WARS2: variants seen among roughly 807,000 people sequenced by gnomAD.
The protein encoded by WARS2 is tryptophanyl tRNA synthetase 2, mitochondrial, also known as tryptophan--tRNA ligase, mitochondrial.
In WARS2, 28 loss-of-function variants were observed where a neutral mutation model predicts 36.5. The ratio of observed to expected loss-of-function variants is 0.77; its 90% CI spans 0.57 to 1.05. The LOEUF (loss-of-function observed/expected upper bound fraction) is 1.05. Among genes scored for constraint, WARS2 ranks in the 50% least tolerant of loss-of-function variants. WARS2 has a pLI of 0.00. For missense variants in WARS2, 435 were observed against 456.8 expected, an observed-to-expected ratio of 0.95 and a Z score of 0.44; for synonymous variants, 174 against 178.4, an observed-to-expected ratio of 0.98 and a Z score of 0.20.
intron 1 of WARS2, among the ~76,000 whole-genome samples, chr1:119,108,305 A>T (rs2885227): frequency 6.6e-6 from 1 of 151,426 alleles, no homozygotes; most frequent in East Asian, 2.0e-4. Context: ...CAGCGAACCC[A>T]TCAAGGCCTG....
intron 1 of WARS2, among the ~76,000 whole-genome samples, chr1:119,095,269 A>G (rs1653346742): frequency 6.6e-6 from 1 of 152,214 alleles, no homozygotes; most frequent in African/African-American, 2.4e-5. Context: ...CACCATCTAG[A>G]GAGAAAGCTA....
At chr1:119,135,175 T>G (rs1322875467) in intron 1 of WARS2, among the ~76,000 whole-genome samples, 1 of 152,232 alleles carries the variant, frequency 6.6e-6, no homozygotes, top group East Asian at 1.9e-4. Context: ...TTAAAAATAA[T>G]CCATCCATCA....
At chr1:119,098,693 C>G (rs1653637185) in intron 1 of WARS2, among the ~76,000 whole-genome samples, 1 of 151,960 alleles carries the variant, frequency 6.6e-6, no homozygotes, top group African/African-American at 2.4e-5. Context: ...CCTGCCTTGG[C>G]CTTCCAAAGT....
intron 2 of WARS2, among the ~76,000 whole-genome samples, chr1:119,049,204 C>G (rs1368942632): frequency 6.6e-6 from 1 of 152,238 alleles, no homozygotes; most frequent in East Asian, 1.9e-4. Flanking sequence ...CACCAGCGGG[C>G]CACTGACGGG....
intron 5 of WARS2, 21 bp downstream of exon 5, chr1:119,034,074 A>G (rs1180943749): frequency 4.4e-6 from 7 of 1,596,404 alleles, no homozygotes; most frequent in Non-Finnish European, 5.2e-6. Context: ...CTGATGTAAC[A>G]ATTATAAGTT....
intron 1 of WARS2, among the ~76,000 whole-genome samples, chr1:119,119,244 G>A (rs764340525): frequency 5.9e-5 from 9 of 151,918 alleles, no homozygotes; most frequent in Non-Finnish European, 8.8e-5. Flanking sequence ...CCATGCAAAT[G>A]GACACCAAAA....
intron 1 of WARS2, among the ~76,000 whole-genome samples, chr1:119,114,048 C>T (rs1011528415): frequency 3.3e-5 from 5 of 152,138 alleles, no homozygotes; most frequent in Admixed American, 3.3e-4. Context: ...CCTTACTTAG[C>T]TATCAAAACA....
At chr1:119,101,142 T>C (rs1368247563) in intron 1 of WARS2, among the ~76,000 whole-genome samples, 3 of 152,094 alleles carry the variant, frequency 2.0e-5, no homozygotes, top group African/African-American at 7.2e-5. Flanking sequence ...AAATTCAATG[T>C]TTGGCAGCAG....
intron 2 of WARS2, among the ~76,000 whole-genome samples, chr1:119,070,954 G>A (rs540638143): frequency 2.6e-5 from 4 of 151,942 alleles, no homozygotes; most frequent in Non-Finnish European, 5.9e-5. Flanking sequence ...AGGCTAAGGT[G>A]GACAGATCAT....
chr1:119,047,467 T>C (rs533209257), intron 2 of WARS2: 1 of 152,330 alleles, frequency 6.6e-6, no homozygotes, highest in East Asian at 1.9e-4. Context: ...AGTAGCTTTT[T>C]ATTTGGACAT....
chr1:119,077,137 CAA>C (rs59753812), intron 1 of WARS2, among the ~76,000 whole-genome samples: 1 of 96,878 alleles, frequency 1.0e-5, no homozygotes, highest in South Asian at 3.4e-4. Flanking sequence ...GACCCCGTCT[CAA>C]AAAAAAAAAG....
intron 1 of WARS2, among the ~76,000 whole-genome samples, chr1:119,114,509 A>G (rs1375345257): frequency 6.6e-6 from 1 of 152,206 alleles, no homozygotes; most frequent in Non-Finnish European, 1.5e-5. Flanking sequence ...AGTTTGGAGC[A>G]GAATATAATA....
At chr1:119,131,458 G>GTTTTTTTTTTTT (rs761800862) in intron 1 of WARS2, among the ~76,000 whole-genome samples, 4 of 134,300 alleles carry the variant, frequency 3.0e-5, no homozygotes, top group Non-Finnish European at 1.6e-5. Context: ...AAAGTTTTTT[G>GTTTTTTTTTTTT]TTTTTTGTTT....
chr1:119,105,218 C>A (rs587682858), intron 1 of WARS2, among the ~76,000 whole-genome samples: 25 of 152,174 alleles, frequency 1.6e-4, no homozygotes, highest in African/African-American at 4.1e-4. Context: ...AGGATGAATA[C>A]TAAGGATTAA....
intron 1 of WARS2, among the ~76,000 whole-genome samples, chr1:119,133,018 T>C (rs746286519): frequency 5.3e-5 from 8 of 152,182 alleles, no homozygotes; most frequent in Non-Finnish European, 1.2e-4. Context: ...AGACCCTAGA[T>C]AGTGGTCCCT....
At chr1:119,114,076 C>T (rs987631134) in intron 1 of WARS2, among the ~76,000 whole-genome samples, 1 of 152,056 alleles carries the variant, frequency 6.6e-6, no homozygotes, top group African/African-American at 2.4e-5. Context: ...AACATAGGCA[C>T]TATTATTATT....
chr1:119,053,035 G>C (rs1385662422), intron 2 of WARS2, among the ~76,000 whole-genome samples: 1 of 152,210 alleles, frequency 6.6e-6, no homozygotes, highest in Non-Finnish European at 1.5e-5. Flanking sequence ...CAGTGGGACA[G>C]AAAGAGATGC....
intron 2 of WARS2, among the ~76,000 whole-genome samples, chr1:119,065,646 A>G (rs1650779177): frequency 6.6e-6 from 1 of 151,374 alleles, no homozygotes; most frequent in African/African-American, 2.4e-5. Context: ...AAAAAAAAAA[A>G]AAAAAGGAAA....
intron 4 of WARS2, among the ~76,000 whole-genome samples, chr1:119,039,825 G>A (rs2645295): frequency 0.3 from 44,774 of 151,698 alleles, 7,245 homozygotes; most frequent in African/African-American, 0.43. Flanking sequence ...TTTGGCTTGC[G>A]TCAAAATTTT....
Sources: allele counts gnomAD v4.1 joint callset (sites outside exome capture counted in the v4.1 genomes callset), GRCh38; gene constraint gnomAD v4.1.1; transcripts MANE v1.5; gene names NCBI Gene and HGNC (gene_info 2026-07-23, HGNC 2026-07-21).